The following TBC1D5 variants were observed in gnomAD, a reference collection of about 807,000 sequenced individuals.
The protein encoded by TBC1D5 is TBC1 domain family member 5, also known as TBC1 domain family, member 5.
In TBC1D5, 75 loss-of-function variants were observed where a neutral mutation model predicts 100.3. That is an observed-to-expected ratio of 0.75 (90% CI 0.62 to 0.91). The LOEUF is 0.91. TBC1D5 is among the 40% of genes least tolerant of loss of function. The pLI is 0.00. For missense variants in TBC1D5, 910 were observed against 942.4 expected, an observed-to-expected ratio of 0.97 and a Z score of 0.45; for synonymous variants, 323 against 325.6, an observed-to-expected ratio of 0.99 and a Z score of 0.09.
chr3:17,236,720 G>A (rs1429537229), intron 17 of TBC1D5, among the ~76,000 whole-genome samples: 5 of 151,970 alleles, frequency 3.3e-5, no homozygotes, highest in Non-Finnish European at 5.9e-5. Flanking sequence ...TCTTGACCTC[G>A]TGATCTACCT....
At chr3:17,503,005 T>C (rs2095803327) in intron 3 of TBC1D5, among the ~76,000 whole-genome samples, 1 of 149,718 alleles carries the variant, frequency 6.7e-6, no homozygotes, top group African/African-American at 2.5e-5. Flanking sequence ...GAAATGATTG[T>C]TCAGCTTCTA....
At chr3:17,171,756 GTC>G (rs1172425599) in intron 19 of TBC1D5, among the ~76,000 whole-genome samples, 2 of 152,102 alleles carry the variant, frequency 1.3e-5, no homozygotes, top group Non-Finnish European at 2.9e-5. Context: ...GGTTCCAGGT[GTC>G]TCACCATAAG....
intron 2 of TBC1D5, among the ~76,000 whole-genome samples, chr3:17,608,558 T>C (rs1029432214): frequency 2.6e-5 from 4 of 152,226 alleles, no homozygotes; most frequent in African/African-American, 9.6e-5. Context: ...ATTCCTTTCC[T>C]TTTCATTTGT....
chr3:17,221,913 T>C (rs1026393419), intron 17 of TBC1D5, among the ~76,000 whole-genome samples: 2 of 152,224 alleles, frequency 1.3e-5, no homozygotes, highest in African/African-American at 4.8e-5. Context: ...TTTCAACTTA[T>C]AAAGTTGTAT....
chr3:17,227,426 T>C (rs1368141115), intron 17 of TBC1D5, among the ~76,000 whole-genome samples: 1 of 152,200 alleles, frequency 6.6e-6, no homozygotes, highest in Non-Finnish European at 1.5e-5. Context: ...AAAAATTTGA[T>C]GATTATTTCA....
chr3:17,566,770 GA>G (rs1298576182), intron 2 of TBC1D5, among the ~76,000 whole-genome samples: 1 of 151,692 alleles, frequency 6.6e-6, no homozygotes. Context: ...AAGGTAACCA[GA>G]AAAATTAATA....
At chr3:17,292,063 AAT>A in intron 14 of TBC1D5, 62 bp from the exon 15 acceptor site, 1 of 1,396,232 alleles carries the variant, frequency 7.2e-7, no homozygotes, top group Non-Finnish European at 9.9e-7. Context: ...CATTGCTGAG[AAT>A]ATAAAATCTA....
chr3:17,593,891 C>T (rs73028308), intron 2 of TBC1D5, among the ~76,000 whole-genome samples: 2,756 of 152,216 alleles, frequency 0.018, 42 homozygotes, highest in Non-Finnish European at 0.028. Context: ...TCTGAATCGG[C>T]GTCTAATATA....
rs530276157 is a variant in TBC1D5 at position 17,292,424 on chromosome 3, T to G, written c.1139-423A>C. Among the ~76,000 whole-genome samples the G allele has an allele frequency of 2.6e-5, 4 of 152,306 alleles. 1 individual carries two copies. In the South Asian group the frequency reaches 8.3e-4, roughly 32 times the overall value. On this transcript the variant is annotated intron_variant, in intron 14 of 21. Transcript: ENST00000253692. ...AAATAATATTTACCTTATTATGCAT[T>G]ACAACTTGTTACATTTTCTTTTGTA...
intron 1 of TBC1D5, among the ~76,000 whole-genome samples, chr3:17,684,987 G>A (rs554105445): frequency 6.6e-6 from 1 of 152,056 alleles, no homozygotes; most frequent in Admixed American, 6.5e-5. Context: ...TTTAAAACAA[G>A]TAAAAAATGC....
intron 13 of TBC1D5, among the ~76,000 whole-genome samples, chr3:17,360,368 T>C (rs1257112545): frequency 6.6e-6 from 1 of 152,020 alleles, no homozygotes; most frequent in African/African-American, 2.4e-5. Context: ...TAACCTGAAG[T>C]TGATCAAGTC....
At chr3:17,333,852 A>G (rs2087252908) in intron 13 of TBC1D5, among the ~76,000 whole-genome samples, 1 of 152,068 alleles carries the variant, frequency 6.6e-6, no homozygotes, top group South Asian at 2.1e-4. Flanking sequence ...GCATGGTTAT[A>G]TTTTTCTCCT....
intron 3 of TBC1D5, among the ~76,000 whole-genome samples, chr3:17,436,961 A>G (rs2094547236): frequency 6.6e-6 from 1 of 152,200 alleles, no homozygotes; most frequent in Non-Finnish European, 1.5e-5. Context: ...GTGTCCATCA[A>G]AAAGCATGTG....
intron 2 of TBC1D5, among the ~76,000 whole-genome samples, chr3:17,590,219 G>A (rs1229996984): frequency 6.6e-6 from 1 of 152,204 alleles, no homozygotes; most frequent in Non-Finnish European, 1.5e-5. Context: ...CTGGAGAACA[G>A]GCATGGGAAT....
At chr3:17,185,265 C>T (rs1033835350) in intron 18 of TBC1D5, 57 bp from the exon 20 acceptor site, 1 of 1,466,126 alleles carries the variant, frequency 6.8e-7, no homozygotes, top group South Asian at 1.2e-5. Flanking sequence ...ATAAAATCTC[C>T]AAAGTTTTCT....
chr3:17,318,419 T>C (rs754756668), intron 13 of TBC1D5, among the ~76,000 whole-genome samples: 4 of 152,130 alleles, frequency 2.6e-5, no homozygotes, highest in Admixed American at 6.5e-5. Context: ...CATTTGATCT[T>C]GAAACAAGCC....
intron 1 of TBC1D5, among the ~76,000 whole-genome samples, chr3:17,703,447 C>CTT (rs1468633690): frequency 4.6e-5 from 7 of 151,936 alleles, no homozygotes; most frequent in East Asian, 1.9e-4. Context: ...CATTAATATA[C>CTT]TTTATAAGTA....
intron 2 of TBC1D5, among the ~76,000 whole-genome samples, chr3:17,515,881 A>G (rs891182928): frequency 3.3e-5 from 5 of 152,212 alleles, no homozygotes; most frequent in African/African-American, 1.2e-4. Flanking sequence ...ATTATAATTT[A>G]TGAAAAAATC....
chr3:17,557,917 T>C (rs1183790527), intron 2 of TBC1D5, among the ~76,000 whole-genome samples: 1 of 152,182 alleles, frequency 6.6e-6, no homozygotes, highest in Non-Finnish European at 1.5e-5. Context: ...GAGTCAATCC[T>C]GGCTTTCTGA....
Sources: gnomAD v4.1 joint callset for allele counts (sites outside exome capture counted in the v4.1 genomes callset) on GRCh38, gnomAD v4.1.1 for gene constraint, MANE v1.5 for transcripts, NCBI Gene and HGNC (gene_info 2026-07-23, HGNC 2026-07-21) for gene names.